The following SHANK2 variants were observed in gnomAD, a reference collection of about 807,000 sequenced individuals.
The protein encoded by SHANK2 is SH3 and multiple ankyrin repeat domains protein 2.
SHANK2 carries 43 observed loss-of-function variants against 133.7 expected under a neutral mutation model. The observed-to-expected ratio is 0.32, with a 90% CI of 0.25 to 0.41. The LOEUF (loss-of-function observed/expected upper bound fraction) is 0.41, where lower values mean the gene tolerates loss of function less well. Among genes scored for constraint, SHANK2 ranks in the 10% least tolerant of loss-of-function variants. The pLI is 1.00. For synonymous variants in SHANK2, 1,017 were observed against 952.8 expected (o/e 1.07, Z -1.24); for missense variants, 1,994 against 2,235.8 (o/e 0.89, Z 2.18).
chr11:70,657,226 C>T (rs148027789), intron 17 of SHANK2, among the ~76,000 whole-genome samples: 203 of 152,272 alleles, frequency 1.3e-3, no homozygotes, highest in African/African-American at 4.7e-3. Flanking sequence ...CAGCTTTTCA[C>T]GTGGAGACCT....
intron 14 of SHANK2, among the ~76,000 whole-genome samples, chr11:70,736,268 G>T (rs568909187): frequency 2.6e-5 from 4 of 152,158 alleles, no homozygotes; most frequent in Non-Finnish European, 5.9e-5. Flanking sequence ...CCCCTCTCTA[G>T]TTGTGAGGAT....
chr11:70,523,858 A>G (rs1175873278), intron 17 of SHANK2, among the ~76,000 whole-genome samples: 1 of 152,132 alleles, frequency 6.6e-6, no homozygotes. Flanking sequence ...TTCCTCTGAC[A>G]GCACCCTTCA....
chr11:70,514,582 G>A (rs1414557179), intron 17 of SHANK2, among the ~76,000 whole-genome samples: 2 of 152,212 alleles, frequency 1.3e-5, no homozygotes, highest in Non-Finnish European at 2.9e-5. Context: ...AATAAAGTGA[G>A]GCAGGAGTGA....
chr11:70,520,900 G>T (rs1380265029), intron 17 of SHANK2, among the ~76,000 whole-genome samples: 1 of 152,186 alleles, frequency 6.6e-6, no homozygotes, highest in Non-Finnish European at 1.5e-5. Context: ...ATTTGCTCCA[G>T]CCTTTTGTTT....
intron 10 of SHANK2, among the ~76,000 whole-genome samples, chr11:70,927,553 C>T (rs925954477): frequency 6.6e-6 from 1 of 152,114 alleles, no homozygotes; most frequent in South Asian, 2.1e-4. Flanking sequence ...GCAGTGAGTT[C>T]CCCATCTCTG....
At chr11:71,079,902 GA>G (rs1590889393) in intron 8 of SHANK2, among the ~76,000 whole-genome samples, 2,221 of 77,316 alleles carry the variant, frequency 0.029, 24 homozygotes, top group East Asian at 0.072. Flanking sequence ...GAAGGAAGGG[GA>G]GGGGAGGGGA....
chr11:70,802,742 C>T (rs970064244), intron 13 of SHANK2, among the ~76,000 whole-genome samples: 5 of 152,166 alleles, frequency 3.3e-5, no homozygotes, highest in Non-Finnish European at 5.9e-5. Context: ...GTCCACCTAC[C>T]TAATGTCACA....
chr11:70,663,329 G>T (rs547759947), intron 15 of SHANK2, among the ~76,000 whole-genome samples: 4 of 152,182 alleles, frequency 2.6e-5, no homozygotes, highest in African/African-American at 9.7e-5. Context: ...GGATTGGGGG[G>T]CCCTGGGGAG....
chr11:71,109,424 A>G (rs1054364531), intron 6 of SHANK2, among the ~76,000 whole-genome samples: 31 of 152,320 alleles, frequency 2.0e-4, no homozygotes, highest in African/African-American at 7.5e-4. Context: ...CGCGCTGCAA[A>G]GACTCACACA....
At chr11:71,200,781 G>A (rs1954002828) in intron 2 of SHANK2, among the ~76,000 whole-genome samples, 1 of 151,742 alleles carries the variant, frequency 6.6e-6, no homozygotes, top group African/African-American at 2.4e-5. Flanking sequence ...ATGGTCAGAT[G>A]TGTTTGTCCT....
At chr11:71,220,643 T>A (rs147850035) in intron 2 of SHANK2, among the ~76,000 whole-genome samples, 58 of 152,236 alleles carry the variant, frequency 3.8e-4, no homozygotes, top group South Asian at 8.3e-4. Context: ...TGGATGACCC[T>A]GGAGGACATT....
At chr11:71,129,101 G>T (rs1952245251) in intron 3 of SHANK2, among the ~76,000 whole-genome samples, 1 of 152,166 alleles carries the variant, frequency 6.6e-6, no homozygotes, top group African/African-American at 2.4e-5. Flanking sequence ...CTTTTTCTTT[G>T]CATAACCAAA....
chr11:70,791,133 A>T (rs925643563), intron 14 of SHANK2, among the ~76,000 whole-genome samples: 2 of 152,212 alleles, frequency 1.3e-5, no homozygotes, highest in Non-Finnish European at 2.9e-5. Flanking sequence ...TGAGCTACCT[A>T]ATACAAATGG....
At chr11:70,903,500 A>G (rs1440761701) in intron 10 of SHANK2, among the ~76,000 whole-genome samples, 1 of 152,160 alleles carries the variant, frequency 6.6e-6, no homozygotes, top group East Asian at 1.9e-4. Context: ...TTTGAAGCCT[A>G]TAATATGACA....
chr11:70,826,664 C>A (rs1590731426), intron 11 of SHANK2: 1 of 387,954 alleles, frequency 2.6e-6, no homozygotes. Context: ...GCTGGGCATG[C>A]CAGACCCAGC....
At chr11:71,215,157 A>G (rs1954379886) in intron 2 of SHANK2, among the ~76,000 whole-genome samples, 1 of 152,170 alleles carries the variant, frequency 6.6e-6, no homozygotes, top group African/African-American at 2.4e-5. Context: ...GTGATAGTGC[A>G]GCTTAATGCC....
intron 11 of SHANK2, among the ~76,000 whole-genome samples, chr11:70,886,975 G>A (rs1007697985): frequency 2.0e-5 from 3 of 152,084 alleles, no homozygotes; most frequent in Admixed American, 6.6e-5. Context: ...AACCTTGTTC[G>A]GTTGAGGAAG....
At chr11:71,101,844 G>A (rs1416974229) in intron 6 of SHANK2, among the ~76,000 whole-genome samples, 2 of 152,210 alleles carry the variant, frequency 1.3e-5, no homozygotes, top group African/African-American at 2.4e-5. Flanking sequence ...GCAGCAAGAA[G>A]GGGAAGCCGG....
intron 11 of SHANK2, chr11:70,826,388 C>T (rs879991420): frequency 2.2e-6 from 1 of 464,840 alleles, no homozygotes; most frequent in South Asian, 1.6e-5. Context: ...GAACTGGAGT[C>T]CTCCCTCTCC....
Sources: allele counts gnomAD v4.1 joint callset (sites outside exome capture counted in the v4.1 genomes callset), GRCh38; gene constraint gnomAD v4.1.1; transcripts MANE v1.5; gene names NCBI Gene and HGNC (gene_info 2026-07-23, HGNC 2026-07-21).